GRIN2B: variants seen among roughly 807,000 people sequenced by gnomAD.
GRIN2B encodes the protein glutamate receptor ionotropic, NMDA 2B.
GRIN2B carries 5 observed loss-of-function variants against 114.5 expected under a neutral mutation model. The observed-to-expected ratio is 0.04, with a 90% confidence interval of 0.02 to 0.09. GRIN2B has a LOEUF of 0.09. Ranked by LOEUF, GRIN2B falls within the 10% of genes least tolerant of loss-of-function variation. The probability of loss-of-function intolerance (pLI) is 1.00; values close to 1 mark genes in which losing one functional copy is unlikely to be tolerated. For synonymous variants in GRIN2B, 787 were observed against 745.1 expected (o/e 1.06, Z -0.92); for missense variants, 1,108 against 1,943.5 (o/e 0.57, Z 8.08).
intron 4 of GRIN2B, among the ~76,000 whole-genome samples, chr12:13,712,883 T>C (rs1422089591): frequency 6.6e-6 from 1 of 151,938 alleles, no homozygotes; most frequent in Non-Finnish European, 1.5e-5. Flanking sequence ...CTCTTGGTGT[T>C]AATTTATATT....
intron 4 of GRIN2B, among the ~76,000 whole-genome samples, chr12:13,731,003 G>C (rs185759757): frequency 6.6e-6 from 1 of 152,170 alleles, no homozygotes. Context: ...GTCCTTCACT[G>C]AACACTGTGG....
chr12:13,930,481 C>A (rs1033934506), intron 2 of GRIN2B, among the ~76,000 whole-genome samples: 6 of 152,168 alleles, frequency 3.9e-5, no homozygotes, highest in Admixed American at 2.0e-4. Flanking sequence ...CACGCAACAG[C>A]AGCATCCACC....
chr12:13,920,882 C>T (rs1356168153), intron 2 of GRIN2B, among the ~76,000 whole-genome samples: 1 of 152,082 alleles, frequency 6.6e-6, no homozygotes, highest in East Asian at 1.9e-4. Flanking sequence ...CTTCAAAATA[C>T]CCAAGGTGGC....
intron 12 of GRIN2B, among the ~76,000 whole-genome samples, chr12:13,569,245 A>G (rs1231756720): frequency 6.6e-6 from 1 of 152,122 alleles, no homozygotes; most frequent in Non-Finnish European, 1.5e-5. Flanking sequence ...CCTAAAATAT[A>G]TATGTTGAAG....
At chr12:13,760,028 C>G (rs1302677271) in intron 3 of GRIN2B, among the ~76,000 whole-genome samples, 1 of 152,218 alleles carries the variant, frequency 6.6e-6, no homozygotes, top group African/African-American at 2.4e-5. Flanking sequence ...TAAAATCTTG[C>G]CTTCCCAACA....
chr12:13,605,535 T>TGA (rs1189331935), intron 10 of GRIN2B, among the ~76,000 whole-genome samples: 2 of 63,248 alleles, frequency 3.2e-5, no homozygotes, highest in Non-Finnish European at 6.5e-5. Context: ...TCTCTCTCTC[T>TGA]CTCTCTCTCT....
chr12:13,613,432 A>G (rs1250490012), intron 8 of GRIN2B, among the ~76,000 whole-genome samples: 1 of 152,218 alleles, frequency 6.6e-6, no homozygotes, highest in Admixed American at 6.5e-5. Context: ...GGAGTAAACT[A>G]GGACTGAGAG....
intron 3 of GRIN2B, among the ~76,000 whole-genome samples, chr12:13,822,227 G>C (rs1864953553): frequency 6.6e-6 from 1 of 152,086 alleles, no homozygotes; most frequent in Non-Finnish European, 1.5e-5. Context: ...AATATATTTG[G>C]TTAAAAATAA....
chr12:13,731,691 A>C (rs184587862), intron 4 of GRIN2B, among the ~76,000 whole-genome samples: 6 of 152,296 alleles, frequency 3.9e-5, no homozygotes, highest in African/African-American at 1.4e-4. Context: ...AGAGGACATT[A>C]CTGGATCCTA....
At position 13,672,146 on chromosome 12, in the gene GRIN2B, A is replaced by C. The variant is rs1488813459; in HGVS notation, c.1125+3599T>G. Among the ~76,000 whole-genome samples, 4 of 152,152 alleles carry C rather than the reference A, an allele frequency of 2.6e-5. No homozygotes were observed. In the East Asian group the frequency reaches 7.7e-4, roughly 29 times the overall value. ...CTTTTCCAATCTGCTATTTATTTGC[A>C]AGGAGATTTTGCAGTCCCAGAAGTT... On this transcript the variant is annotated intron_variant, in intron 5 of 13. Coordinates refer to ENST00000609686, the MANE Select transcript of GRIN2B (RefSeq NM_000834.5).
At chr12:13,782,767 A>AT (rs1864142361) in intron 3 of GRIN2B, among the ~76,000 whole-genome samples, 1 of 152,084 alleles carries the variant, frequency 6.6e-6, no homozygotes, top group East Asian at 1.9e-4. Flanking sequence ...TCACCCACAT[A>AT]TTTTTATCTC....
chr12:13,907,226 C>G (rs925677397), intron 2 of GRIN2B, among the ~76,000 whole-genome samples: 1 of 152,186 alleles, frequency 6.6e-6, no homozygotes, highest in Non-Finnish European at 1.5e-5. Context: ...CGTGGTGGCT[C>G]ATGCCTGTAA....
chr12:13,976,351 C>T (rs912717356), intron 2 of GRIN2B, among the ~76,000 whole-genome samples: 1 of 152,098 alleles, frequency 6.6e-6, no homozygotes, highest in African/African-American at 2.4e-5. Context: ...ACAGGAGCAG[C>T]GACTGAAAAT....
chr12:13,901,792 C>T (rs1866457596), intron 2 of GRIN2B, among the ~76,000 whole-genome samples: 1 of 151,986 alleles, frequency 6.6e-6, no homozygotes, highest in South Asian at 2.1e-4. Flanking sequence ...GCTTTATACA[C>T]AAAAAATTTC....
chr12:13,769,560 C>G (rs1421108848), intron 3 of GRIN2B, among the ~76,000 whole-genome samples: 1 of 152,180 alleles, frequency 6.6e-6, no homozygotes, highest in Non-Finnish European at 1.5e-5. Context: ...TCATGGCTAA[C>G]AGAGAATTGG....
intron 2 of GRIN2B, among the ~76,000 whole-genome samples, chr12:13,889,153 CA>C (rs1414419043): frequency 6.6e-6 from 1 of 151,962 alleles, no homozygotes; most frequent in Non-Finnish European, 1.5e-5. Context: ...AACTGAGACA[CA>C]AACATATACA....
At chr12:13,631,944 A>G (rs901958148) in intron 5 of GRIN2B, among the ~76,000 whole-genome samples, 1 of 152,264 alleles carries the variant, frequency 6.6e-6, no homozygotes, top group Non-Finnish European at 1.5e-5. Flanking sequence ...GATGTCTGAC[A>G]TCGAGAATTA....
chr12:13,781,961 C>G (rs1675546625), intron 3 of GRIN2B, among the ~76,000 whole-genome samples: 1 of 152,132 alleles, frequency 6.6e-6, no homozygotes, highest in African/African-American at 2.4e-5. Flanking sequence ...TTCTGTCTGA[C>G]ATGATAACAT....
At chr12:13,722,063 T>G (rs1862893701) in intron 4 of GRIN2B, among the ~76,000 whole-genome samples, 1 of 152,102 alleles carries the variant, frequency 6.6e-6, no homozygotes. Flanking sequence ...TGACCACTGG[T>G]GACTTTGGCA....
Sources: allele counts gnomAD v4.1 joint callset (sites outside exome capture counted in the v4.1 genomes callset), GRCh38; gene constraint gnomAD v4.1.1; transcripts MANE v1.5; gene names NCBI Gene and HGNC (gene_info 2026-07-23, HGNC 2026-07-21).